EPHB3: variants seen among roughly 807,000 people sequenced by gnomAD.
EPHB3 encodes the protein EPH receptor B3.
EPHB3 carries 33 observed loss-of-function variants against 100.2 expected under a neutral mutation model. The ratio of observed to expected loss-of-function variants is 0.33; its 90% CI spans 0.25 to 0.44. EPHB3 has a LOEUF of 0.44. Among genes scored for constraint, EPHB3 ranks in the 20% least tolerant of loss-of-function variants. The probability of loss-of-function intolerance (pLI) is 1.00; values close to 1 mark genes in which losing one functional copy is unlikely to be tolerated. For missense variants in EPHB3, 1,045 were observed against 1,378.3 expected, an observed-to-expected ratio of 0.76 and a Z score of 3.83; for synonymous variants, 526 against 554.7, an observed-to-expected ratio of 0.95 and a Z score of 0.73.
At position 184,571,452 on chromosome 3, in the gene EPHB3, C is replaced by A; in HGVS notation, c.183+70C>A. On this transcript the variant is annotated intron_variant, in intron 2 of 15. Coordinates refer to ENST00000330394, the MANE Select transcript of EPHB3 (RefSeq NM_004443.4). The surrounding 1 kb of genome is among the most constrained non-coding windows in gnomAD (Gnocchi z 5.0). ...CCTCCCCCCACTTCCAGCCTCCGTG[C>A]CCCCTCATCTCACCAGGGCCTGGAG... 1 of 1,546,778 alleles carries A rather than the reference C, an allele frequency of 6.5e-7. No individual in the cohort carries two copies. Among genetic ancestry groups the A allele is most frequent in the Non-Finnish European group, 8.9e-7 (1 of 1,122,812 alleles).
chr3:184,577,802 A>G lies in EPHB3; in HGVS notation c.1624A>G (p.Thr542Ala). ...GQYSRPAEFE[T>A]TSERGSGAQQ... ...GTACAGCCGCCCTGCCGAGTTTGAG[A>G]CCACAAGTGAGAGAGGTTAGTAGCC... Residue 542 changes from threonine to alanine, a missense_variant, in exon 7 of 16, where the codon ACC becomes GCC. Physicochemically the swap from Thr to Ala is moderately conservative, Grantham distance 58 (BLOSUM62 0). Transcript: ENST00000330394. This position sits in a 1 kb window ranked among gnomAD's most constrained non-coding sequence, Gnocchi z 4.9. The G allele has an allele frequency of 6.2e-7, 1 of 1,605,644 alleles. No individual in the cohort carries two copies. The highest frequency in any genetic ancestry group is 8.5e-7 in the Non-Finnish European group (1 of 1,173,968).
intron 1 of EPHB3, among the ~76,000 whole-genome samples, chr3:184,566,235 T>C (rs1317533024): frequency 3.9e-5 from 6 of 152,216 alleles, no homozygotes. Flanking sequence ...TTCTGGCTGC[T>C]GGCAGGGCCA....
chr3:184,579,603 A>T lies in EPHB3; in HGVS notation c.1924+4A>T. 6.2e-7 allele frequency: 1 copy of T among 1,613,742 alleles called. No homozygotes were observed. Among genetic ancestry groups the T allele is most frequent in the Non-Finnish European group, 8.5e-7 (1 of 1,179,832 alleles). The stretch of plus-strand genomic sequence containing the variant: ...ATCGAGGAGGTGATCGGAGCTGGTG[A>T]GTCTCCCGGGGCACAGTAGAGATGA... On this transcript the variant is annotated splice_donor_region_variant and intron_variant, in intron 10 of 15. Coordinates refer to ENST00000330394, the MANE Select transcript of EPHB3 (RefSeq NM_004443.4). This position sits in a 1 kb window ranked among gnomAD's most constrained non-coding sequence, Gnocchi z 5.2.
intron 11 of EPHB3, 148 bp downstream of exon 11, chr3:184,580,082 C>T (rs1424958324): frequency 7.9e-7 from 1 of 1,272,786 alleles, no homozygotes; most frequent in Admixed American, 2.5e-5. Context: ...CCTTCATAGC[C>T]ATAAGTATGG....
Position 184,562,520 on chromosome 3 carries a change from C to A in EPHB3, c.118+167C>A, listed in dbSNP as rs1240232079. 6.6e-6 allele frequency among the ~76,000 whole-genome samples: 1 copy of A among 152,070 alleles called. No homozygotes were observed. The highest frequency in any genetic ancestry group is 2.4e-5 in the African/African-American group (1 of 41,422). On this transcript the variant is annotated intron_variant, in intron 1 of 15. Coordinates refer to ENST00000330394, the MANE Select transcript of EPHB3 (RefSeq NM_004443.4). The surrounding 1 kb of genome is among the most constrained non-coding windows in gnomAD (Gnocchi z 4.8). ...GGTGGGGAGGCCGCCCCTGGAGCCGCCTCGGAGGCTGGAGCTGGCTCGGAG... is the reference window on the plus strand; with the variant it reads ...GGTGGGGAGGCCGCCCCTGGAGCCGACTCGGAGGCTGGAGCTGGCTCGGAG...
At chr3:184,568,291 T>G (rs1239393587) in intron 1 of EPHB3, among the ~76,000 whole-genome samples, 2 of 152,156 alleles carry the variant, frequency 1.3e-5, no homozygotes, top group African/African-American at 4.8e-5. Context: ...GCTGGGCAGT[T>G]GTGGTTTCCT....
Position 184,572,838 on chromosome 3 carries a change from G to A in EPHB3, c.518G>A (p.Arg173His), listed in dbSNP as rs1325504589. Residue 173 changes from arginine to histidine, a missense_variant, in exon 3 of 16, where the codon CGT becomes CAT. Arg to His is a conservative substitution (Grantham distance 29). Transcript: ENST00000330394. This position sits in a 1 kb window ranked among gnomAD's most constrained non-coding sequence, Gnocchi z 6.6. ...DESFSRLDAG[R>H]VNTKVRSFGP... ...AGCTTCTCGCGGCTGGATGCCGGCC[G>A]TGTCAACACCAAGGTGCGCAGCTTT... is the stretch of plus-strand genomic sequence containing the variant. 8 of 1,566,854 alleles carry A rather than the reference G, an allele frequency of 5.1e-6. No homozygotes were observed. The highest frequency in any genetic ancestry group is 2.3e-5 in the East Asian group (1 of 44,406).
In EPHB3 at chr3:184,565,327, T is replaced by C. The variant is rs1714358950; in HGVS notation, c.118+2974T>C. On this transcript the variant is annotated intron_variant, in intron 1 of 15. Transcript: ENST00000330394. This position sits in a 1 kb window ranked among gnomAD's most constrained non-coding sequence, Gnocchi z 4.8. Reference sequence around the variant, plus strand: ...CAGTTCCCCAAAGCCAAGATTATTCTCCCCTCAGGACCATCAACGGGTCAG... The same window carrying C: ...CAGTTCCCCAAAGCCAAGATTATTCCCCCCTCAGGACCATCAACGGGTCAG... Among the ~76,000 whole-genome samples, 1 of 151,934 alleles carries C rather than the reference T, an allele frequency of 6.6e-6. No homozygotes were observed. Among genetic ancestry groups the C allele is most frequent in the South Asian group, 2.1e-4 (1 of 4,808 alleles).
In EPHB3 at chr3:184,581,112, C is replaced by T; in HGVS notation, c.2679C>T (p.Asp893=). 2 of 1,614,230 alleles carry T rather than the reference C, an allele frequency of 1.2e-6. No homozygotes were observed. The highest frequency in any genetic ancestry group is 1.7e-6 in the Non-Finnish European group (2 of 1,180,042). ...PKFSQIVNTL[D]KLIRNAASLK... ...TCTCCCAGATTGTCAATACCCTGGA[C>T]AAGCTCATCCGCAATGCTGCCAGCC... The change falls in exon 14 of 16, where the codon GAC becomes GAT. Residue 893 remains aspartate, a synonymous_variant. Transcript: ENST00000330394.
At position 184,572,464 on chromosome 3, in the gene EPHB3, G is replaced by T; in HGVS notation, c.184-40G>T. On this transcript the variant is annotated intron_variant, in intron 2 of 15. Coordinates refer to ENST00000330394, the MANE Select transcript of EPHB3 (RefSeq NM_004443.4). The surrounding 1 kb of genome is among the most constrained non-coding windows in gnomAD (Gnocchi z 6.6). ...GGCACGAGGGAAGCACTTGGCAAAT[G>T]CAGGCATTCACTCTGTCTTTTTCAT... 1 of 1,524,026 alleles carries T rather than the reference G, an allele frequency of 6.6e-7. No individual in the cohort carries two copies. 94.4% of individuals were successfully genotyped at this position (1,524,026 alleles called of 1,614,324 possible). A position where few individuals can be genotyped will look rare whatever the true frequency, so the allele number is the denominator to read the frequency against.
rs994510785 is a variant in EPHB3 at position 184,569,420 on chromosome 3, C to T, written c.119-1898C>T. ...CGCCAGCCGGCTCCGCACATCCCTC[C>T]GGCTCCGTGCCGCCCACCGCCCGCC... is the stretch of plus-strand genomic sequence containing the variant. On this transcript the variant is annotated intron_variant, in intron 1 of 15. Coordinates refer to ENST00000330394, the MANE Select transcript of EPHB3 (RefSeq NM_004443.4). The surrounding 1 kb of genome is among the most constrained non-coding windows in gnomAD (Gnocchi z 5.4). Among the ~76,000 whole-genome samples, 1 of 151,874 alleles carries T rather than the reference C, an allele frequency of 6.6e-6. No homozygotes were observed. The highest frequency in any genetic ancestry group is 6.6e-5 in the Admixed American group (1 of 15,264).
chr3:184,568,590 T>G (rs1714453784), intron 1 of EPHB3, among the ~76,000 whole-genome samples: 1 of 125,860 alleles, frequency 7.9e-6, no homozygotes, highest in Admixed American at 7.4e-5. Context: ...ATGGGTTCTA[T>G]GACCCCCCCC....
In EPHB3 at chr3:184,580,573, T is replaced by G. The variant is rs772129945; in HGVS notation, c.2344T>G (p.Phe782Val). ...CKVSDFGLSR[F>V]LEDDPSDPTY... The stretch of plus-strand genomic sequence containing the variant: ...AGTCTCAGACTTTGGCCTCTCCCGC[T>G]TCCTGGAGGATGACCCCTCCGATCC... The change falls in exon 12 of 16, where the codon TTC (phenylalanine) becomes GTC (valine). Residue 782 changes from phenylalanine to valine, a missense_variant. This residue lies in a region of EPHB3 where 985 missense variants were observed against 1,331.1 expected (regional missense o/e 0.74). Transcript: ENST00000330394. 1.2e-6 allele frequency: 2 copies of G among 1,614,176 alleles called. No homozygotes were observed. The highest frequency in any genetic ancestry group is 1.7e-6 in the Non-Finnish European group (2 of 1,180,010).
rs142960558 is a variant in EPHB3, at chr3:184,572,531, G to T, written c.211G>T (p.Ala71Ser). The T allele has an allele frequency of 1.7e-5, 27 of 1,559,976 alleles. No homozygotes were observed. In the African/African-American group the frequency reaches 3.7e-4, roughly 21 times the overall value. ...GGAAGAGGTGAGTGGCTACGATGAG[G>T]CCATGAATCCCATCCGCACATACCA... is the stretch of plus-strand genomic sequence containing the variant. ...GWEEVSGYDE[A>S]MNPIRTYQVC... is the part of the protein sequence containing the mutation. Residue 71 changes from alanine (A) to serine (S), a missense_variant, in exon 3 of 16, where the codon GCC (alanine) becomes TCC (serine). Physicochemically the swap from Ala to Ser is moderately conservative, Grantham distance 99. Coordinates refer to ENST00000330394, the MANE Select transcript of EPHB3 (RefSeq NM_004443.4). The surrounding 1 kb of genome is among the most constrained non-coding windows in gnomAD (Gnocchi z 6.6).
chr3:184,575,067 C>A (rs893424446), intron 3 of EPHB3: 3 of 893,780 alleles, frequency 3.4e-6, no homozygotes, highest in African/African-American at 3.6e-5. Context: ...CTTTGACTTG[C>A]AAATGTTCCA....
chr3:184,574,122 T>C (rs1403552649), intron 3 of EPHB3, among the ~76,000 whole-genome samples: 1 of 152,188 alleles, frequency 6.6e-6, no homozygotes, highest in African/African-American at 2.4e-5. Flanking sequence ...ATGTGAGCAA[T>C]GCTTTGCCCG....
Position 184,571,239 on chromosome 3 carries a change from C to A in EPHB3, c.119-79C>A. 1 of 1,462,036 alleles carries A rather than the reference C, an allele frequency of 6.8e-7. No homozygotes were observed. The highest frequency in any genetic ancestry group is 9.6e-7 in the Non-Finnish European group (1 of 1,044,754). 90.6% of individuals were successfully genotyped at this position (1,462,036 alleles called of 1,614,324 possible). ...AAAGTGCTGGGATTACAGGTGTGAG[C>A]CACTTCGCTCATCTGTGATCTCTTC... On this transcript the variant is annotated intron_variant, in intron 1 of 15. Transcript: ENST00000330394. The surrounding 1 kb of genome is among the most constrained non-coding windows in gnomAD (Gnocchi z 5.0).
intron 1 of EPHB3, among the ~76,000 whole-genome samples, chr3:184,568,374 G>T (rs763453222): frequency 3.9e-5 from 6 of 152,148 alleles, no homozygotes; most frequent in Non-Finnish European, 8.8e-5. Flanking sequence ...ATGGCAGGAC[G>T]GCGAGGGATG....
At position 184,573,566 on chromosome 3, in the gene EPHB3, G is replaced by A. The variant is rs911460143; in HGVS notation, c.856+390G>A. ...GGTTGGCCCCAGGGCCAAGGGCACG[G>A]GGGCTGTGGGTACCTTGTGCATGGC... On this transcript the variant is annotated intron_variant, in intron 3 of 15. Coordinates refer to ENST00000330394, the MANE Select transcript of EPHB3 (RefSeq NM_004443.4). The surrounding 1 kb of genome is among the most constrained non-coding windows in gnomAD (Gnocchi z 4.5). 2.0e-5 allele frequency among the ~76,000 whole-genome samples: 3 copies of A among 151,688 alleles called. No individual in the cohort carries two copies. Among genetic ancestry groups the A allele is most frequent in the Non-Finnish European group, 4.4e-5 (3 of 67,940 alleles).
Sources: gnomAD v4.1 joint callset for allele counts (sites outside exome capture counted in the v4.1 genomes callset) on GRCh38, gnomAD v4.1.1 for gene constraint, gnomAD v4.1.1 regional missense constraint, Gnocchi (gnomAD v3.1) non-coding constraint, MANE v1.5 for transcripts, NCBI Gene and HGNC (gene_info 2026-07-23, HGNC 2026-07-21) for gene names.